The following TOP1 variants were observed in gnomAD, a reference collection of about 807,000 sequenced individuals.
TOP1 encodes DNA topoisomerase I.
TOP1 carries 10 observed loss-of-function variants against 111.1 expected under a neutral mutation model. That is an observed-to-expected ratio of 0.09 (90% confidence interval 0.06 to 0.15). TOP1 has a LOEUF of 0.15. Ranked by LOEUF, TOP1 falls within the 10% of genes least tolerant of loss-of-function variation. The pLI, the probability that TOP1 is intolerant of heterozygous loss-of-function variation, is 1.00. For synonymous variants in TOP1, 271 were observed against 302.9 expected, an observed-to-expected ratio of 0.89 and a Z score of 1.10; for missense variants, 474 against 926.7, an observed-to-expected ratio of 0.51 and a Z score of 6.34.
At position 41,102,073 on chromosome 20, in the gene TOP1, C is replaced by A. The variant is rs565847847; in HGVS notation, c.1308+720C>A. 2.6e-4 allele frequency among the ~76,000 whole-genome samples: 39 copies of A among 152,288 alleles called. No individual in the cohort carries two copies. The highest frequency in any genetic ancestry group is 9.4e-4 in the African/African-American group (39 of 41,566). ...AACCTAACAGAGACAAAAACACAGT[C>A]AAGGAATTAGTTCTATGTAGACTGT... On this transcript the variant is annotated intron_variant, in intron 13 of 20. Transcript: ENST00000361337. This position sits in a 1 kb window ranked among gnomAD's most constrained non-coding sequence, Gnocchi z 4.0.
chr20:41,064,926 ACGGAGT>A (rs968820340), intron 3 of TOP1, among the ~76,000 whole-genome samples: 2 of 151,630 alleles, frequency 1.3e-5, no homozygotes, highest in African/African-American at 4.9e-5. Context: ...GTTTTTTGAG[ACGGAGT>A]CTTACTCTGT....
intron 13 of TOP1, among the ~76,000 whole-genome samples, chr20:41,103,280 G>A (rs1017204605): frequency 3.9e-5 from 6 of 152,132 alleles, no homozygotes; most frequent in Non-Finnish European, 8.8e-5. Flanking sequence ...GTCTCTGGGA[G>A]GCCCAAAAAT....
rs1007871214 is a variant in TOP1 at position 41,058,952 on chromosome 20, A to G, written c.59-2442A>G. Among the ~76,000 whole-genome samples, 2 of 152,138 alleles carry G rather than the reference A, an allele frequency of 1.3e-5. No homozygotes were observed. The highest frequency in any genetic ancestry group is 2.4e-5 in the African/African-American group (1 of 41,424). On this transcript the variant is annotated intron_variant, in intron 2 of 20. Coordinates refer to ENST00000361337, the MANE Select transcript of TOP1 (RefSeq NM_003286.4). The surrounding 1 kb of genome is among the most constrained non-coding windows in gnomAD (Gnocchi z 4.2). ...ATGGTAGACTGGATTAAAAAAAAGAATGTGGCGCATGTACACCACGGAATA... is the reference window on the plus strand; with the variant it reads ...ATGGTAGACTGGATTAAAAAAAAGAGTGTGGCGCATGTACACCACGGAATA...
rs1278884679 is a variant in TOP1, at chr20:41,118,349, G to A, written c.1950+53G>A. The A allele has an allele frequency of 3.3e-5, 53 of 1,600,008 alleles. No individual in the cohort carries two copies. The highest frequency in any genetic ancestry group is 6.7e-5 in the African/African-American group (5 of 74,464). Reference sequence around the variant, plus strand: ...TGTCTGCTGTGGGCAGATTATCTGCGAATGAGAGGATTCAGGGCTGAGATA... The same window carrying A: ...TGTCTGCTGTGGGCAGATTATCTGCAAATGAGAGGATTCAGGGCTGAGATA... On this transcript the variant is annotated intron_variant, in intron 18 of 20. Transcript: ENST00000361337. The surrounding 1 kb of genome is among the most constrained non-coding windows in gnomAD (Gnocchi z 4.6).
intron 3 of TOP1, among the ~76,000 whole-genome samples, chr20:41,062,146 T>G (rs1330942506): frequency 2.0e-5 from 3 of 152,228 alleles, no homozygotes; most frequent in Non-Finnish European, 2.9e-5. Context: ...ATCTAGTTAT[T>G]GAAAATGAGG....
Position 41,081,149 on chromosome 20 carries a change from A to T in TOP1, c.432-16A>T, listed in dbSNP as rs1207139404. On this transcript the variant is annotated splice_polypyrimidine_tract_variant and intron_variant, in intron 6 of 20. Transcript: ENST00000361337. Reference sequence around the variant, plus strand: ...TCATAATTATGTTAACTGTGTATTCATGTTCCCCTTTCTAGTGCTGATTAT... The same window carrying T: ...TCATAATTATGTTAACTGTGTATTCTTGTTCCCCTTTCTAGTGCTGATTAT... 2 of 1,586,658 alleles carry T rather than the reference A, an allele frequency of 1.3e-6. No homozygotes were observed. The highest frequency in any genetic ancestry group is 1.7e-6 in the Non-Finnish European group (2 of 1,166,436).
In TOP1 at chr20:41,098,249, A is replaced by G. The variant is rs144769453; in HGVS notation, c.887A>G (p.Asn296Ser). Residue 296 changes from asparagine (N) to serine (S), a missense_variant, in exon 11 of 21, where the codon AAC (asparagine) becomes AGC (serine). Physicochemically the swap from Asn to Ser is conservative, Grantham distance 46. Around this residue, in one of 14 missense-constraint regions of TOP1, gnomAD observed 84 missense variants for 119.2 expected, o/e 0.70. Coordinates refer to ENST00000361337, the MANE Select transcript of TOP1 (RefSeq NM_003286.4). The surrounding 1 kb of genome is among the most constrained non-coding windows in gnomAD (Gnocchi z 5.7). ...MTNEEKNIIT[N>S]LSKCDFTQMS... Reference sequence around the variant, plus strand: ...AATGAAGAGAAGAATATTATCACCAACCTAAGCAAATGTGATTTTACCCAG... The same window carrying G: ...AATGAAGAGAAGAATATTATCACCAGCCTAAGCAAATGTGATTTTACCCAG... 1.0e-4 allele frequency: 161 copies of G among 1,613,948 alleles called. 1 individual carries two copies. The African/African-American group carries it at 1.6e-3, about 16-fold the overall frequency.
At chr20:41,048,581 G>C (rs1333826006) in intron 2 of TOP1, among the ~76,000 whole-genome samples, 1 of 152,180 alleles carries the variant, frequency 6.6e-6, no homozygotes, top group Non-Finnish European at 1.5e-5. Flanking sequence ...CATTAAAGGA[G>C]TTGCTCTAAG....
intron 14 of TOP1, among the ~76,000 whole-genome samples, chr20:41,113,148 A>G (rs1472996990): frequency 6.6e-6 from 1 of 152,246 alleles, no homozygotes; most frequent in African/African-American, 2.4e-5. Flanking sequence ...AAAGTTGGTT[A>G]TAACTTATAA....
In TOP1 at chr20:41,032,430, G is replaced by A. The variant is rs1476127216; in HGVS notation, c.58+2975G>A. Reference sequence around the variant, plus strand: ...AAGTCTAAGTGAAAAGACTTCCTAAGTATTGGTAGAACTAACTGTAGTGGG... The same window carrying A: ...AAGTCTAAGTGAAAAGACTTCCTAAATATTGGTAGAACTAACTGTAGTGGG... On this transcript the variant is annotated intron_variant, in intron 2 of 20. Coordinates refer to ENST00000361337, the MANE Select transcript of TOP1 (RefSeq NM_003286.4). The surrounding 1 kb of genome is among the most constrained non-coding windows in gnomAD (Gnocchi z 4.3). Among the ~76,000 whole-genome samples, 1 of 152,196 alleles carries A rather than the reference G, an allele frequency of 6.6e-6. No homozygotes were observed. The highest frequency in any genetic ancestry group is 1.5e-5 in the Non-Finnish European group (1 of 68,034).
chr20:41,052,018 C>T (rs1207814319), intron 2 of TOP1, among the ~76,000 whole-genome samples: 1 of 152,130 alleles, frequency 6.6e-6, no homozygotes, highest in Non-Finnish European at 1.5e-5. Flanking sequence ...TTTAAAATCA[C>T]TGAAATTTTC....
chr20:41,098,931 T>C lies in TOP1; in HGVS notation c.975+594T>C, dbSNP rs1052552308. On this transcript the variant is annotated intron_variant, in intron 11 of 20. Coordinates refer to ENST00000361337, the MANE Select transcript of TOP1 (RefSeq NM_003286.4). The surrounding 1 kb of genome is among the most constrained non-coding windows in gnomAD (Gnocchi z 5.7). ...ATGCAACAATGACAGAGATGAGTAGTTGCAAAAGAGAGTAGTTGCAAAAGA... is the reference window on the plus strand; with the variant it reads ...ATGCAACAATGACAGAGATGAGTAGCTGCAAAAGAGAGTAGTTGCAAAAGA... The C allele has an allele frequency of 2.0e-5, 3 of 152,142 alleles. No homozygotes were observed. The highest frequency in any genetic ancestry group is 7.2e-5 in the African/African-American group (3 of 41,418). The allele number at this position is 152,142 out of a possible 1,614,324, so 9.4% of individuals were successfully genotyped here. A position where few individuals can be genotyped will look rare whatever the true frequency, so the allele number is the denominator to read the frequency against.
chr20:41,054,184 G>A (rs2033440172), intron 2 of TOP1, among the ~76,000 whole-genome samples: 1 of 152,166 alleles, frequency 6.6e-6, no homozygotes, highest in Non-Finnish European at 1.5e-5. Flanking sequence ...ATCTTCCTGT[G>A]TTGTGGGAGG....
intron 18 of TOP1, among the ~76,000 whole-genome samples, chr20:41,120,027 A>G (rs1032593716): frequency 6.6e-6 from 1 of 152,232 alleles, no homozygotes; most frequent in African/African-American, 2.4e-5. Flanking sequence ...CTGCCAGATG[A>G]GCCCTCCAAA....
intron 8 of TOP1, among the ~76,000 whole-genome samples, chr20:41,088,061 T>C (rs1014705368): frequency 5.3e-5 from 8 of 152,230 alleles, no homozygotes. Flanking sequence ...GAAACAGATA[T>C]TCTGTCTTTC....
chr20:41,032,812 C>T lies in TOP1; in HGVS notation c.58+3357C>T, dbSNP rs2033137350. On this transcript the variant is annotated intron_variant, in intron 2 of 20. Coordinates refer to ENST00000361337, the MANE Select transcript of TOP1 (RefSeq NM_003286.4). This position sits in a 1 kb window ranked among gnomAD's most constrained non-coding sequence, Gnocchi z 4.3. The stretch of plus-strand genomic sequence containing the variant: ...TCTGTTGGGTATGGGTTGGGATGGG[C>T]GGTAGCATAGCTGATTGCGGTGGGG... 6.6e-6 allele frequency among the ~76,000 whole-genome samples: 1 copy of T among 152,094 alleles called. No individual in the cohort carries two copies. The highest frequency in any genetic ancestry group is 1.5e-5 in the Non-Finnish European group (1 of 68,020).
At chr20:41,087,219 G>C (rs1044914298) in intron 8 of TOP1, among the ~76,000 whole-genome samples, 2 of 152,138 alleles carry the variant, frequency 1.3e-5, no homozygotes, top group Non-Finnish European at 2.9e-5. Context: ...GCTATATCAC[G>C]TTATCTCCAT....
intron 9 of TOP1, among the ~76,000 whole-genome samples, chr20:41,096,309 C>T (rs2033981944): frequency 6.6e-6 from 1 of 152,200 alleles, no homozygotes; most frequent in African/African-American, 2.4e-5. Context: ...CTCAAGTGAT[C>T]TGCCTGCCTC....
At chr20:41,052,447 T>C (rs2033417262) in intron 2 of TOP1, among the ~76,000 whole-genome samples, 1 of 152,224 alleles carries the variant, frequency 6.6e-6, no homozygotes, top group Non-Finnish European at 1.5e-5. Flanking sequence ...TTTTATCTTA[T>C]ATATGCCTGA....
Sources: gnomAD v4.1 joint callset for allele counts (sites outside exome capture counted in the v4.1 genomes callset) on GRCh38, gnomAD v4.1.1 for gene constraint, gnomAD v4.1.1 regional missense constraint, Gnocchi (gnomAD v3.1) non-coding constraint, MANE v1.5 for transcripts, NCBI Gene and HGNC (gene_info 2026-07-23, HGNC 2026-07-21) for gene names.